The following GRM8 variants were observed in gnomAD, a reference collection of about 807,000 sequenced individuals.
The protein encoded by GRM8 is glutamate metabotropic receptor 8.
Under a neutral mutation model 87.2 loss-of-function variants are expected in GRM8, and 47 were observed. The observed-to-expected ratio is 0.54, with a 90% CI of 0.43 to 0.69. The LOEUF (loss-of-function observed/expected upper bound fraction) is 0.69, where lower values mean the gene tolerates loss of function less well. Ranked by LOEUF, GRM8 falls within the 30% of genes least tolerant of loss-of-function variation. The pLI is 0.00. For missense variants in GRM8, 1,019 were observed against 1,139.2 expected, an observed-to-expected ratio of 0.89 and a Z score of 1.52; for synonymous variants, 396 against 404.5, an observed-to-expected ratio of 0.98 and a Z score of 0.25.
chr7:126,869,485 T>C (rs1370362346), intron 6 of GRM8: 1 of 152,192 alleles, frequency 6.6e-6, no homozygotes, highest in Admixed American at 6.5e-5. Context: ...TATAGCCTTA[T>C]GAAATATACT....
At chr7:127,069,782 T>C (rs1270124582) in intron 3 of GRM8, among the ~76,000 whole-genome samples, 1 of 152,244 alleles carries the variant, frequency 6.6e-6, no homozygotes, top group Non-Finnish European at 1.5e-5. Flanking sequence ...TTTATTCCAC[T>C]GGTTAAATGT....
At chr7:127,033,993 A>G (rs1257694931) in intron 3 of GRM8, among the ~76,000 whole-genome samples, 1 of 152,226 alleles carries the variant, frequency 6.6e-6, no homozygotes, top group Middle Eastern at 3.2e-3. Context: ...TAGTTTTCTG[A>G]AAGAATGAAA....
At chr7:126,909,327 C>T (rs532886357) in intron 3 of GRM8, among the ~76,000 whole-genome samples, 1 of 151,988 alleles carries the variant, frequency 6.6e-6, no homozygotes, top group African/African-American at 2.4e-5. Context: ...ATACGTTTTC[C>T]ATACAATACT....
intron 7 of GRM8, among the ~76,000 whole-genome samples, chr7:126,720,189 C>G (rs1330467617): frequency 6.6e-6 from 1 of 150,964 alleles, no homozygotes; most frequent in Non-Finnish European, 1.5e-5. Flanking sequence ...GGCTCTGTCA[C>G]CCAGACCGGA....
chr7:126,878,676 T>C (rs1382651076), intron 6 of GRM8, among the ~76,000 whole-genome samples: 1 of 151,950 alleles, frequency 6.6e-6, no homozygotes, highest in Non-Finnish European at 1.5e-5. Flanking sequence ...CCCGCCATCA[T>C]GCCTGGCTAA....
At chr7:127,001,792 A>T (rs1813753135) in intron 3 of GRM8, among the ~76,000 whole-genome samples, 1 of 151,662 alleles carries the variant, frequency 6.6e-6, no homozygotes, top group Admixed American at 6.6e-5. Flanking sequence ...CCAACTATCC[A>T]TCAGTATGTC....
intron 9 of GRM8, among the ~76,000 whole-genome samples, chr7:126,464,473 T>A (rs1389617487): frequency 6.6e-6 from 1 of 151,746 alleles, no homozygotes; most frequent in East Asian, 1.9e-4. Flanking sequence ...ACATTCAATG[T>A]TACTTTATTG....
chr7:126,841,787 T>C (rs984418231), intron 6 of GRM8, among the ~76,000 whole-genome samples: 6 of 151,884 alleles, frequency 4.0e-5, no homozygotes, highest in Non-Finnish European at 5.9e-5. Context: ...CCACCAAGCC[T>C]GGCTATTTTT....
intron 8 of GRM8, among the ~76,000 whole-genome samples, chr7:126,585,879 G>A (rs1157681056): frequency 6.6e-6 from 1 of 152,164 alleles, no homozygotes; most frequent in Non-Finnish European, 1.5e-5. Context: ...TAGGAAAAGA[G>A]GAAGTCAAAT....
At chr7:127,072,111 T>C (rs1389198916) in intron 3 of GRM8, among the ~76,000 whole-genome samples, 1 of 151,954 alleles carries the variant, frequency 6.6e-6, no homozygotes, top group Non-Finnish European at 1.5e-5. Context: ...ACAACTAGCT[T>C]CCACCATTCT....
At chr7:126,900,849 G>C (rs1341916403) in intron 6 of GRM8, among the ~76,000 whole-genome samples, 1 of 152,058 alleles carries the variant, frequency 6.6e-6, no homozygotes, top group Admixed American at 6.6e-5. Flanking sequence ...CCTGTCCCCA[G>C]GATACTGGAT....
chr7:126,716,820 G>A lies in GRM8; in HGVS notation c.1357+53045C>T, dbSNP rs138575569. Reference sequence around the variant, plus strand: ...AATGAAGAAATGGGAGTGATTGAGAGGAAAGCATGAGGGAGAAGAGGAAGA... The same window carrying A: ...AATGAAGAAATGGGAGTGATTGAGAAGAAAGCATGAGGGAGAAGAGGAAGA... On this transcript the variant is annotated intron_variant, in intron 7 of 10. Transcript: ENST00000339582. Among the ~76,000 whole-genome samples, 175 of 152,278 alleles carry A rather than the reference G, an allele frequency of 1.1e-3. 1 individual carries two copies. Among genetic ancestry groups the A allele is most frequent in the African/African-American group, 4.0e-3 (166 of 41,544 alleles).
At chr7:126,940,861 G>A (rs764438962) in intron 3 of GRM8, among the ~76,000 whole-genome samples, 3 of 152,182 alleles carry the variant, frequency 2.0e-5, no homozygotes, top group Non-Finnish European at 4.4e-5. Flanking sequence ...AGCCCAGCCT[G>A]GAGCCAGTGC....
At chr7:127,020,326 T>C (rs150377733) in intron 3 of GRM8, among the ~76,000 whole-genome samples, 2 of 152,092 alleles carry the variant, frequency 1.3e-5, no homozygotes, top group East Asian at 1.9e-4. Context: ...CACTTGGGGG[T>C]AGTGCTCCCT....
intron 9 of GRM8, among the ~76,000 whole-genome samples, chr7:126,524,781 C>T (rs901431860): frequency 6.6e-6 from 1 of 151,982 alleles, no homozygotes; most frequent in African/African-American, 2.4e-5. Context: ...ATCTGTTCAG[C>T]TTTTTATTTT....
chr7:127,227,810 C>T (rs1270450260), intron 2 of GRM8, among the ~76,000 whole-genome samples: 3 of 152,162 alleles, frequency 2.0e-5, no homozygotes, highest in Non-Finnish European at 2.9e-5. Flanking sequence ...TTCTGGAAGC[C>T]ATGTGATCAT....
At chr7:126,993,900 G>A (rs1336078195) in intron 3 of GRM8, among the ~76,000 whole-genome samples, 1 of 152,124 alleles carries the variant, frequency 6.6e-6, no homozygotes, top group Non-Finnish European at 1.5e-5. Context: ...AACTTGAAAG[G>A]CAGTCGAGGA....
intron 7 of GRM8, among the ~76,000 whole-genome samples, chr7:126,692,593 A>G (rs1175355656): frequency 1.3e-5 from 2 of 152,256 alleles, no homozygotes; most frequent in Admixed American, 6.5e-5. Flanking sequence ...GCAGCACATA[A>G]TGGAAAAATA....
At chr7:126,965,225 G>A (rs1007629015) in intron 3 of GRM8, among the ~76,000 whole-genome samples, 1 of 151,728 alleles carries the variant, frequency 6.6e-6, no homozygotes, top group Non-Finnish European at 1.5e-5. Context: ...CAGGTTGATG[G>A]GTACAGCAAA....
Sources: allele counts gnomAD v4.1 joint callset (sites outside exome capture counted in the v4.1 genomes callset), GRCh38; gene constraint gnomAD v4.1.1; transcripts MANE v1.5; gene names NCBI Gene and HGNC (gene_info 2026-07-23, HGNC 2026-07-21).